The following MTHFD1L variants were observed in gnomAD, a reference collection of about 807,000 sequenced individuals.
MTHFD1L encodes methylenetetrahydrofolate dehydrogenase (NADP+ dependent) 1 like.
Under a neutral mutation model 119.5 loss-of-function variants are expected in MTHFD1L, and 81 were observed. The ratio of observed to expected loss-of-function variants is 0.68; its 90% CI spans 0.57 to 0.82. The LOEUF (loss-of-function observed/expected upper bound fraction) is 0.82, where lower values mean the gene tolerates loss of function less well. MTHFD1L is among the 40% of genes least tolerant of loss of function. MTHFD1L has a pLI of 0.00. For missense variants in MTHFD1L, 1,125 were observed against 1,253.4 expected (o/e 0.90, Z 1.55); for synonymous variants, 430 against 475.2 (o/e 0.90, Z 1.24).
chr6:150,950,621 G>C (rs565817064), intron 16 of MTHFD1L, among the ~76,000 whole-genome samples: 15 of 152,120 alleles, frequency 9.9e-5, no homozygotes, highest in Non-Finnish European at 2.1e-4. Flanking sequence ...CTGCCCACAC[G>C]ATCATCAGAA....
intron 24 of MTHFD1L, among the ~76,000 whole-genome samples, chr6:151,024,210 G>A (rs2128508238): frequency 6.6e-6 from 1 of 152,164 alleles, no homozygotes; most frequent in Non-Finnish European, 1.5e-5. Context: ...TCCTAAGTCA[G>A]ATTTGTAGAA....
rs1297914797 is a variant in MTHFD1L at position 151,092,499 on chromosome 6, C to T, written c.2880C>T (p.Pro960=). The T allele has an allele frequency of 3.1e-6, 5 of 1,614,150 alleles. No homozygotes were observed. The highest frequency in any genetic ancestry group is 4.2e-6 in the Non-Finnish European group (5 of 1,180,038). ...CCATGCCAGGACTGCCCACCCGGCC[C>T]TGCTTTTATGACATAGATCTTGATA... ...MSTMPGLPTR[P]CFYDIDLDTE... is the part of the protein sequence containing the mutation. Residue 960 remains proline, a synonymous_variant, in exon 27 of 28, where the codon CCC becomes CCT. Transcript: ENST00000367321.
At chr6:150,969,258 A>G (rs931754824) in intron 19 of MTHFD1L, among the ~76,000 whole-genome samples, 1 of 152,242 alleles carries the variant, frequency 6.6e-6, no homozygotes, top group African/African-American at 2.4e-5. Flanking sequence ...CTGGGATTAT[A>G]GGTGTGAGCC....
chr6:151,053,261 C>T (rs1789362886), intron 26 of MTHFD1L, among the ~76,000 whole-genome samples: 1 of 152,096 alleles, frequency 6.6e-6, no homozygotes, highest in African/African-American at 2.4e-5. Context: ...TATCTTTGCT[C>T]TGTTTTTTTT....
chr6:150,948,633 G>GTTT (rs67396709), intron 15 of MTHFD1L, among the ~76,000 whole-genome samples: 1 of 149,294 alleles, frequency 6.7e-6, no homozygotes, highest in East Asian at 2.0e-4. Context: ...CCAGTTTAGT[G>GTTT]TTTTTTTTGT....
intron 20 of MTHFD1L, among the ~76,000 whole-genome samples, chr6:151,008,334 TA>T (rs1305421073): frequency 6.6e-6 from 1 of 152,258 alleles, no homozygotes; most frequent in Non-Finnish European, 1.5e-5. Context: ...GTCCTGGTCA[TA>T]CCGTCAGCAT....
chr6:150,932,824 A>G (rs527649662), intron 11 of MTHFD1L, among the ~76,000 whole-genome samples: 1 of 143,232 alleles, frequency 7.0e-6, no homozygotes, highest in Non-Finnish European at 1.5e-5. Flanking sequence ...GGGAGGAAGG[A>G]AGGAAGGAAG....
chr6:151,006,060 C>T (rs997385411), intron 20 of MTHFD1L, among the ~76,000 whole-genome samples: 1 of 152,082 alleles, frequency 6.6e-6, no homozygotes, highest in East Asian at 1.9e-4. Flanking sequence ...CCAGGTACTG[C>T]GTTAGGAAGT....
chr6:150,948,761 T>C (rs9478866), intron 15 of MTHFD1L, among the ~76,000 whole-genome samples: 33,507 of 138,040 alleles, frequency 0.24, 5,727 homozygotes, highest in East Asian at 0.42. Context: ...CTGCCTCAGT[T>C]TCCCAAGTAG....
intron 20 of MTHFD1L, among the ~76,000 whole-genome samples, chr6:150,986,633 C>T (rs1447783335): frequency 6.6e-6 from 1 of 152,244 alleles, no homozygotes; most frequent in African/African-American, 2.4e-5. Flanking sequence ...GTAATGCTCA[C>T]TTGCCCGCTG....
intron 1 of MTHFD1L, among the ~76,000 whole-genome samples, chr6:150,871,891 A>ATTTTTTTTTTTTTTTTTTTTTTTTTTTT (rs1562287413): frequency 6.8e-6 from 1 of 147,052 alleles, no homozygotes; most frequent in African/African-American, 2.5e-5. Context: ...ATTTTATTTT[A>ATTTTTTTTTTTTTTTTTTTTTTTTTTTT]TTTTTTGAGA....
chr6:151,008,476 C>T (rs1198411678), intron 20 of MTHFD1L, among the ~76,000 whole-genome samples: 1 of 151,622 alleles, frequency 6.6e-6, no homozygotes, highest in East Asian at 1.9e-4. Flanking sequence ...GATTCTGATT[C>T]TGTAAACTTT....
intron 21 of MTHFD1L, among the ~76,000 whole-genome samples, chr6:151,012,052 C>A (rs1455882578): frequency 2.0e-4 from 20 of 98,274 alleles, no homozygotes; most frequent in South Asian, 7.7e-4. Flanking sequence ...AAAAAAAAAA[C>A]CAGCAGGGAC....
At chr6:150,866,213 C>G (rs9397361) in intron 1 of MTHFD1L, 164 bp downstream of exon 1, 605,418 of 1,365,124 alleles carry the variant, frequency 0.44, 138,546 homozygotes, top group African/African-American at 0.74. Flanking sequence ...CGGGCTTGGG[C>G]ACTGCGGCCG....
At chr6:150,934,246 G>A (rs1791667553) in intron 11 of MTHFD1L, among the ~76,000 whole-genome samples, 1 of 152,178 alleles carries the variant, frequency 6.6e-6, no homozygotes, top group South Asian at 2.1e-4. Context: ...CCATAAATAT[G>A]AAGCATAGCA....
At chr6:151,034,739 T>C in intron 25 of MTHFD1L, 139 bp downstream of exon 25, 1 of 657,516 alleles carries the variant, frequency 1.5e-6, no homozygotes, top group Non-Finnish European at 2.7e-6. Context: ...ATGAAGGTAA[T>C]ATCCTCGGGT....
chr6:150,989,569 A>G (rs1160082045), intron 20 of MTHFD1L, among the ~76,000 whole-genome samples: 1 of 152,236 alleles, frequency 6.6e-6, no homozygotes, highest in East Asian at 1.9e-4. Flanking sequence ...AGTGGATGCA[A>G]TGTAAATATG....
At chr6:150,934,853 T>G in intron 11 of MTHFD1L, 1 of 1,328,794 alleles carries the variant, frequency 7.5e-7, no homozygotes, top group Non-Finnish European at 1.0e-6. Context: ...TGCTTTCTCA[T>G]TTGGACCCAA....
At chr6:151,076,469 G>GTT (rs1412846992) in intron 26 of MTHFD1L, among the ~76,000 whole-genome samples, 3 of 152,104 alleles carry the variant, frequency 2.0e-5, no homozygotes, top group African/African-American at 7.2e-5. Context: ...GGGCAACATG[G>GTT]GGAAACCCCA....
Sources: gnomAD v4.1 joint callset for allele counts (sites outside exome capture counted in the v4.1 genomes callset) on GRCh38, gnomAD v4.1.1 for gene constraint, MANE v1.5 for transcripts, NCBI Gene and HGNC (gene_info 2026-07-23, HGNC 2026-07-21) for gene names.